Variants in CASP8 observed in about 807,000 individuals in gnomAD.
CASP8 encodes the protein caspase-8.
In CASP8, 24 loss-of-function variants were observed where a neutral mutation model predicts 46.3. The observed-to-expected ratio is 0.52, with a 90% CI of 0.38 to 0.73. CASP8 has a LOEUF of 0.73. Ranked by LOEUF, CASP8 falls within the 30% of genes least tolerant of loss-of-function variation. The pLI is 0.00. For synonymous variants in CASP8, 188 were observed against 200.4 expected (o/e 0.94, Z 0.52); for missense variants, 460 against 559.0 (o/e 0.82, Z 1.79).
At chr2:201,276,646 TG>T (rs1948648904) in intron 6 of CASP8, among the ~76,000 whole-genome samples, 180 bp from the exon 7 acceptor site, 1 of 152,188 alleles carries the variant, frequency 6.6e-6, no homozygotes, top group African/African-American at 2.4e-5. Flanking sequence ...TTTACAACGA[TG>T]GGGCAGAAGT....
At chr2:201,235,507 C>T (rs182847017) in intron 2 of CASP8, among the ~76,000 whole-genome samples, 74 of 152,112 alleles carry the variant, frequency 4.9e-4, no homozygotes, top group Admixed American at 2.3e-3. Flanking sequence ...TTCTTTTAGA[C>T]GAATTAAGTA....
upstream of CASP8, chr2:201,258,187 C>G (rs745946856): frequency 2.5e-6 from 4 of 1,600,562 alleles, no homozygotes; most frequent in South Asian, 3.3e-5. Flanking sequence ...TGTTTTTTTT[C>G]AAGCCCTGCT....
At chr2:201,246,129 G>T (rs1576214648) in intron 2 of CASP8, among the ~76,000 whole-genome samples, 1 of 152,316 alleles carries the variant, frequency 6.6e-6, no homozygotes, top group East Asian at 1.9e-4. Flanking sequence ...CTCCCAAAGT[G>T]CTGGGATTAC....
chr2:201,260,613 G>T lies in CASP8; in HGVS notation c.-27G>T, dbSNP rs187440338. The T allele has an allele frequency of 2.2e-5, 21 of 973,596 alleles. No homozygotes were observed. The South Asian group carries it at 9.0e-4, about 42-fold the overall frequency. 60.3% of individuals were successfully genotyped at this position (973,596 alleles called of 1,614,324 possible). Reference sequence around the variant, plus strand: ...GAAGGTGCTACCATCGTGAGAGTAAGGTAAGGATTTGCCTCTTTGTTAAGG... The same window carrying T: ...GAAGGTGCTACCATCGTGAGAGTAATGTAAGGATTTGCCTCTTTGTTAAGG... On this transcript the variant is annotated splice_region_variant and 5_prime_UTR_variant, in exon 1 of 9. Coordinates refer to ENST00000673742, the MANE Select transcript of CASP8 (RefSeq NM_001372051.1).
Position 201,286,708 on chromosome 2 carries a change from C to A in CASP8, c.*114C>A. ...TCGGCTCACCGCAAGCTCCGCCTCC[C>A]GGGTTCAGGCCATTCTCCTGCCTCA... is the stretch of plus-strand genomic sequence containing the variant. On this transcript the variant is annotated 3_prime_UTR_variant, in exon 9 of 9. Transcript: ENST00000673742. The A allele has an allele frequency of 1.1e-6, 1 of 891,816 alleles. No individual in the cohort carries two copies. Among genetic ancestry groups the A allele is most frequent in the Non-Finnish European group, 1.8e-6 (1 of 568,014 alleles). 55.2% of individuals were successfully genotyped at this position (891,816 alleles called of 1,614,324 possible).
rs781399827 is a variant in CASP8 at position 201,272,736 on chromosome 2, C to T, written c.510C>T (p.Ser170=). Residue 170 remains serine (S), a synonymous_variant, in exon 4 of 9, where the codon AGC becomes AGT. Transcript: ENST00000673742. This position sits in a 1 kb window ranked among gnomAD's most constrained non-coding sequence, Gnocchi z 4.4. ...GAGTCTGTGCCCAAATCAACAAGAG[C>T]CTGCTGAAGATAATCAACGACTATG... ...LKRVCAQINK[S]LLKIINDYEE... is the part of the protein sequence containing the mutation. 4 of 1,614,038 alleles carry T rather than the reference C, an allele frequency of 2.5e-6. No individual in the cohort carries two copies. Among genetic ancestry groups the T allele is most frequent in the East Asian group, 4.5e-5 (2 of 44,892 alleles).
At chr2:201,240,726 A>C (rs1331108982) in intron 2 of CASP8, 2 of 152,220 alleles carry the variant, frequency 1.3e-5, no homozygotes, top group African/African-American at 2.4e-5. Context: ...AGTAGAACAC[A>C]CATTATCCTC....
In CASP8 at chr2:201,272,167, CTGTG is replaced by C. The variant is rs994776715; in HGVS notation, c.412-465_412-462del. 1.2e-4 allele frequency among the ~76,000 whole-genome samples: 18 copies of C among 150,992 alleles called. No homozygotes were observed. Among genetic ancestry groups the C allele is most frequent in the African/African-American group, 3.4e-4 (14 of 41,036 alleles). On this transcript the variant is annotated intron_variant, in intron 3 of 8. Transcript: ENST00000673742. The surrounding 1 kb of genome is among the most constrained non-coding windows in gnomAD (Gnocchi z 4.4). ...TGTAGTGTGTATTGTATTTATGCCC[CTGTG>C]TGTGTATCACTGAGTATACTCTGTG...
intron 2 of CASP8, among the ~76,000 whole-genome samples, chr2:201,236,307 A>G (rs1946045272): frequency 6.6e-6 from 1 of 152,106 alleles, no homozygotes; most frequent in Non-Finnish European, 1.5e-5. Flanking sequence ...AATACTACAT[A>G]ATTTCCTTTT....
intron 2 of CASP8, among the ~76,000 whole-genome samples, chr2:201,252,958 C>G (rs543100341): frequency 6.6e-6 from 1 of 152,164 alleles, no homozygotes; most frequent in African/African-American, 2.4e-5. Context: ...GAGAAAATAT[C>G]TGTTTCAGGG....
chr2:201,278,385 A>AT (rs563509927), intron 7 of CASP8, among the ~76,000 whole-genome samples: 28 of 152,266 alleles, frequency 1.8e-4, no homozygotes, highest in African/African-American at 6.0e-4. Flanking sequence ...CTTTACAGTC[A>AT]TTTTTTTAAT....
At chr2:201,255,848 A>G (rs1946991999), upstream of CASP8, among the ~76,000 whole-genome samples, 1 of 152,090 alleles carries the variant, frequency 6.6e-6, no homozygotes, top group South Asian at 2.1e-4. Context: ...TTGACCTCCC[A>G]CACTCCAGTT....
Position 201,244,460 on chromosome 2 carries a change from C to T in CASP8, c.-27+10348C>T, listed in dbSNP as rs139071540. On this transcript the variant is annotated intron_variant, in intron 2 of 6. Transcript: ENST00000264274. ...TGGCTCATGGGTTCATAGGCGCTCA[C>T]GTTGGGGGAATTTTCCCCAACCACT... is the stretch of plus-strand genomic sequence containing the variant. Among the ~76,000 whole-genome samples the T allele has an allele frequency of 2.9e-3, 446 of 152,192 alleles. 4 individuals are homozygous for T. Among genetic ancestry groups the T allele is most frequent in the African/African-American group, 0.01 (418 of 41,524 alleles).
At chr2:201,251,627 G>A (rs964368260) in intron 2 of CASP8, among the ~76,000 whole-genome samples, 3 of 151,060 alleles carry the variant, frequency 2.0e-5, no homozygotes, top group Admixed American at 2.0e-4. Context: ...AAATGGCCAG[G>A]CGCAGTGGCT....
upstream of CASP8, among the ~76,000 whole-genome samples, chr2:201,255,744 A>G (rs956772325): frequency 1.3e-5 from 2 of 152,066 alleles, no homozygotes; most frequent in Non-Finnish European, 2.9e-5. Flanking sequence ...ATAGTAGTGA[A>G]TATTTATTTA....
At chr2:201,253,449 CCT>C in intron 2 of CASP8, among the ~76,000 whole-genome samples, 1 of 151,510 alleles carries the variant, frequency 6.6e-6, no homozygotes, top group East Asian at 1.9e-4. Context: ...CTCTTCTACC[CCT>C]GAGACCAAAA....
At chr2:201,237,548 T>C (rs1240870098) in intron 2 of CASP8, among the ~76,000 whole-genome samples, 3 of 151,626 alleles carry the variant, frequency 2.0e-5, no homozygotes, top group Admixed American at 2.0e-4. Flanking sequence ...GAGTGAGTCA[T>C]GTTGATTTTC....
chr2:201,276,726 G>T, intron 6 of CASP8, 101 bp from the exon 7 acceptor site: 2 of 1,459,524 alleles, frequency 1.4e-6, no homozygotes, highest in Non-Finnish European at 1.9e-6. Flanking sequence ...GAGTTGGGGT[G>T]GTGCAATGGA....
intron 2 of CASP8, among the ~76,000 whole-genome samples, chr2:201,237,542 G>A (rs930815128): frequency 1.3e-5 from 2 of 151,996 alleles, no homozygotes; most frequent in African/African-American, 4.8e-5. Context: ...AGACTGGAGT[G>A]AGTCATGTTG....
Sources: gnomAD v4.1 joint callset for allele counts (sites outside exome capture counted in the v4.1 genomes callset) on GRCh38, gnomAD v4.1.1 for gene constraint, Gnocchi (gnomAD v3.1) non-coding constraint, MANE v1.5 for transcripts, NCBI Gene and HGNC (gene_info 2026-07-23, HGNC 2026-07-21) for gene names.